TMEM138: variants seen among roughly 807,000 people sequenced by gnomAD.
TMEM138 encodes the protein transmembrane protein 138.
TMEM138 carries 9 observed loss-of-function variants against 18.1 expected under a neutral mutation model. The ratio of observed to expected loss-of-function variants is 0.50; its 90% confidence interval spans 0.30 to 0.87. The LOEUF is 0.87. Among genes scored for constraint, TMEM138 ranks in the 40% least tolerant of loss-of-function variants. TMEM138 has a pLI of 0.06. For missense variants in TMEM138, 189 were observed against 190.6 expected (o/e 0.99, Z 0.05); for synonymous variants, 79 against 74.8 (o/e 1.06, Z -0.29).
chr11:61,364,461 T>C lies in TMEM138; in HGVS notation c.71T>C (p.Val24Ala). 6.2e-7 allele frequency: 1 copy of C among 1,614,254 alleles called. No individual in the cohort carries two copies. The highest frequency in any genetic ancestry group is 8.5e-7 in the Non-Finnish European group (1 of 1,180,050). Residue 24 changes from valine to alanine, a missense_variant, in exon 2 of 5, where the codon GTC (valine) becomes GCC (alanine). Transcript: ENST00000278826. ...CTGCTGCTGTCCTATGACCTCTTTG[T>C]CAATTCCTTCTCAGAACTGCTCCAA... ...QFLLLSYDLF[V>A]NSFSELLQKT...
At chr11:61,368,152 G>A (rs766044912) in intron 4 of TMEM138, 154 bp downstream of exon 4, 5 of 745,386 alleles carry the variant, frequency 6.7e-6, no homozygotes, top group Non-Finnish European at 1.2e-5. Flanking sequence ...CCCTGCCCTT[G>A]CTAGAAGACT....
downstream of TMEM138, among the ~76,000 whole-genome samples, chr11:61,371,508 A>G (rs908448226): frequency 6.6e-6 from 1 of 152,214 alleles, no homozygotes; most frequent in Non-Finnish European, 1.5e-5. Context: ...GGACATGCCA[A>G]TTCTTACTTC....
At chr11:61,365,178 A>T (rs1410267386) in intron 2 of TMEM138, among the ~76,000 whole-genome samples, 3 of 148,374 alleles carry the variant, frequency 2.0e-5, no homozygotes, top group African/African-American at 7.5e-5. Flanking sequence ...ACAGAACAAG[A>T]CTCCATCTCA....
In TMEM138 at chr11:61,369,052, C is replaced by T. The variant is rs1390009456; in HGVS notation, c.*343C>T. On this transcript the variant is annotated 3_prime_UTR_variant, in exon 5 of 5. Coordinates refer to ENST00000278826, the MANE Select transcript of TMEM138 (RefSeq NM_016464.5). ...TTCCTTTAGCCTGGGACAGAAGGACCTCCCAGCCCCCAAAGGATCTCCCAG... is the reference window on the plus strand; with the variant it reads ...TTCCTTTAGCCTGGGACAGAAGGACTTCCCAGCCCCCAAAGGATCTCCCAG... 1 of 244,080 alleles carries T rather than the reference C, an allele frequency of 4.1e-6. No homozygotes were observed. The highest frequency in any genetic ancestry group is 2.2e-5 in the African/African-American group (1 of 45,306). The allele number at this position is 244,080 out of a possible 1,614,324, so 15.1% of individuals were successfully genotyped here.
At chr11:61,365,052 G>T (rs537995574) in intron 2 of TMEM138, among the ~76,000 whole-genome samples, 3 of 151,714 alleles carry the variant, frequency 2.0e-5, no homozygotes, top group Non-Finnish European at 2.9e-5. Flanking sequence ...GATGGGCGTG[G>T]TGGTGCATGC....
chr11:61,365,864 A>T, intron 2 of TMEM138, 181 bp from the exon 3 acceptor site: 1 of 632,344 alleles, frequency 1.6e-6, no homozygotes, highest in Non-Finnish European at 2.5e-6. Flanking sequence ...GGGTAATTTT[A>T]GGTAATTTTA....
At chr11:61,367,665 T>C (rs571395921) in intron 3 of TMEM138, 10 of 423,260 alleles carry the variant, frequency 2.4e-5, no homozygotes, top group Non-Finnish European at 3.9e-5. Flanking sequence ...GAATATATCA[T>C]TTCTCCTTGG....
At chr11:61,368,363 C>T (rs1473499989) in intron 4 of TMEM138, 1 of 509,736 alleles carries the variant, frequency 2.0e-6, no homozygotes, top group South Asian at 2.0e-5. Flanking sequence ...GTAGCTGGGA[C>T]TACAGGCGCC....
chr11:61,367,721 C>CCT, intron 3 of TMEM138: 2 of 576,988 alleles, frequency 3.5e-6, no homozygotes, highest in Non-Finnish European at 6.2e-6. Context: ...GTTCATACTT[C>CCT]CTCCCTCAAA....
At chr11:61,374,786 T>C (rs1858413811), downstream of TMEM138, among the ~76,000 whole-genome samples, 1 of 152,216 alleles carries the variant, frequency 6.6e-6, no homozygotes, top group Non-Finnish European at 1.5e-5. Flanking sequence ...CTGTCTCTAC[T>C]AAAAATACAA....
At chr11:61,368,130 A>G (rs746056396) in intron 4 of TMEM138, 132 bp downstream of exon 4, 15 of 770,338 alleles carry the variant, frequency 1.9e-5, no homozygotes, top group Non-Finnish European at 3.3e-5. Flanking sequence ...CAGGAACAGG[A>G]GGGATTACTG....
intron 4 of TMEM138, 82 bp downstream of exon 4, chr11:61,368,080 A>C (rs753324267): frequency 1.0e-6 from 1 of 971,360 alleles, no homozygotes; most frequent in Non-Finnish European, 1.7e-6. Flanking sequence ...GGCTTCCCAG[A>C]CCTGTCCCAG....
chr11:61,372,016 GA>G (rs1299081368), downstream of TMEM138, among the ~76,000 whole-genome samples: 1 of 151,692 alleles, frequency 6.6e-6, no homozygotes, highest in Non-Finnish European at 1.5e-5. Context: ...TCTCTGCTAA[GA>G]ATACAAAAAT....
chr11:61,370,851 TGTCAGCTGCAG>T (rs1183371440), downstream of TMEM138, among the ~76,000 whole-genome samples: 10 of 152,234 alleles, frequency 6.6e-5, no homozygotes, highest in African/African-American at 2.4e-4. Context: ...CTCGCTCATG[TGTCAGCTGCAG>T]GTCAGCTAGG....
In TMEM138 at chr11:61,368,910, T is replaced by C. The variant is rs1590630214; in HGVS notation, c.*201T>C. The C allele has an allele frequency of 1.7e-6, 1 of 579,580 alleles. No individual in the cohort carries two copies. The highest frequency in any genetic ancestry group is 1.9e-5 in the South Asian group (1 of 51,306). The allele number at this position is 579,580 out of a possible 1,614,324, so 35.9% of individuals were successfully genotyped here. A position where few individuals can be genotyped will look rare whatever the true frequency, so the allele number is the denominator to read the frequency against. On this transcript the variant is annotated 3_prime_UTR_variant, in exon 5 of 5. Coordinates refer to ENST00000278826, the MANE Select transcript of TMEM138 (RefSeq NM_016464.5). ...CCATCGGTCTCCAGTGCGGCATCCC[T>C]TCCTTGCCTTCTACCTCTGTTCCAC...
At chr11:61,374,782 C>G (rs1858413774), downstream of TMEM138, among the ~76,000 whole-genome samples, 1 of 152,128 alleles carries the variant, frequency 6.6e-6, no homozygotes, top group South Asian at 2.1e-4. Flanking sequence ...AACCCTGTCT[C>G]TACTAAAAAT....
At chr11:61,367,005 G>A (rs1332432384) in intron 3 of TMEM138, 4 of 152,244 alleles carry the variant, frequency 2.6e-5, no homozygotes, top group South Asian at 4.1e-4. Context: ...AAAACAGGTA[G>A]TTGAATGTGT....
At chr11:61,373,591 A>G (rs1858393602), downstream of TMEM138, among the ~76,000 whole-genome samples, 1 of 151,778 alleles carries the variant, frequency 6.6e-6, no homozygotes, top group Admixed American at 6.6e-5. Context: ...AACCTTTGAT[A>G]TTTGAGAAAT....
downstream of TMEM138, among the ~76,000 whole-genome samples, chr11:61,374,913 C>T (rs979268287): frequency 1.8e-4 from 27 of 152,240 alleles, no homozygotes; most frequent in Admixed American, 4.6e-4. Context: ...GCTGAGATCG[C>T]GCCACTGAAC....
Sources: gnomAD v4.1 joint callset for allele counts (sites outside exome capture counted in the v4.1 genomes callset) on GRCh38, gnomAD v4.1.1 for gene constraint, MANE v1.5 for transcripts, NCBI Gene and HGNC (gene_info 2026-07-23, HGNC 2026-07-21) for gene names.